Variants in MAML2 observed in about 807,000 individuals in gnomAD.
MAML2 encodes the protein mastermind like transcriptional coactivator 2, also known as mastermind-like protein 2.
Under a neutral mutation model 96.1 loss-of-function variants are expected in MAML2, and 22 were observed. That is an observed-to-expected ratio of 0.23 (90% CI 0.16 to 0.33). MAML2 has a LOEUF of 0.33. Among genes scored for constraint, MAML2 ranks in the 10% least tolerant of loss-of-function variants. MAML2 has a pLI of 1.00. For missense variants in MAML2, 1,367 were observed against 1,392.4 expected (o/e 0.98, Z 0.29); for synonymous variants, 561 against 521.3 (o/e 1.08, Z -1.04).
intron 1 of MAML2, among the ~76,000 whole-genome samples, chr11:96,246,601 A>G (rs766887758): frequency 6.6e-6 from 1 of 152,174 alleles, no homozygotes; most frequent in Non-Finnish European, 1.5e-5. Flanking sequence ...CAATCTCTTT[A>G]GTATAAAACC....
At chr11:96,174,934 C>T (rs1230293605) in intron 1 of MAML2, among the ~76,000 whole-genome samples, 2 of 152,150 alleles carry the variant, frequency 1.3e-5, no homozygotes, top group East Asian at 3.8e-4. Context: ...ATTCTTGGAG[C>T]GCAGAAACCC....
chr11:95,990,066 A>G (rs2135708072), intron 3 of MAML2, among the ~76,000 whole-genome samples: 1 of 152,162 alleles, frequency 6.6e-6, no homozygotes, highest in East Asian at 1.9e-4. Flanking sequence ...ATCAATGTCA[A>G]ATTTTACTTC....
intron 2 of MAML2, among the ~76,000 whole-genome samples, chr11:96,046,710 C>T (rs1858908036): frequency 6.6e-6 from 1 of 152,178 alleles, no homozygotes; most frequent in African/African-American, 2.4e-5. Context: ...TCCACCCTCT[C>T]TCCTTCTCTC....
chr11:96,046,171 C>T (rs1295876784), intron 2 of MAML2, among the ~76,000 whole-genome samples: 3 of 151,958 alleles, frequency 2.0e-5, no homozygotes, highest in Non-Finnish European at 4.4e-5. Context: ...AGGGAGGATT[C>T]TGACCAGCGC....
chr11:96,259,448 G>T (rs1355551722), intron 1 of MAML2, among the ~76,000 whole-genome samples: 2 of 152,176 alleles, frequency 1.3e-5, no homozygotes, highest in African/African-American at 4.8e-5. Flanking sequence ...AAACTGTGGA[G>T]AGTGAAGTGA....
chr11:96,134,378 C>T (rs1257013056), intron 1 of MAML2, among the ~76,000 whole-genome samples: 8 of 152,170 alleles, frequency 5.3e-5, no homozygotes, highest in Non-Finnish European at 7.4e-5. Context: ...GCACATAATA[C>T]ATTTTTGATG....
intron 2 of MAML2, among the ~76,000 whole-genome samples, chr11:96,018,723 A>G (rs779859280): frequency 2.2e-4 from 34 of 152,110 alleles, no homozygotes; most frequent in Admixed American, 8.5e-4. Context: ...CAGCCTCCCA[A>G]GTGGCTGAGA....
chr11:96,215,630 C>A (rs1362957117), intron 1 of MAML2, among the ~76,000 whole-genome samples: 1 of 151,758 alleles, frequency 6.6e-6, no homozygotes, highest in Non-Finnish European at 1.5e-5. Context: ...AGCAGTTCAC[C>A]GGTTAATTAA....
In MAML2 at chr11:96,121,950, C is replaced by CTTTT. The variant is rs71040130; in HGVS notation, c.514-28437_514-28434dup. ...TACAGGCACCCGCCACCACGCCCGGCTTTTTTTTTTTTTTTTTTTTTTTTT... is the reference window on the plus strand; with the variant it reads ...TACAGGCACCCGCCACCACGCCCGGCTTTTTTTTTTTTTTTTTTTTTTTTTTTTT... On this transcript the variant is annotated intron_variant, in intron 1 of 4. Transcript: ENST00000524717. Among the ~76,000 whole-genome samples the CTTTT allele has an allele frequency of 9.1e-4, 52 of 56,848 alleles. 2 individuals are homozygous for CTTTT. Among genetic ancestry groups the CTTTT allele is most frequent in the East Asian group, 1.7e-3 (3 of 1,734 alleles). 37.3% of individuals were successfully genotyped at this position (56,848 alleles called of 152,430 possible). A position where few individuals can be genotyped will look rare whatever the true frequency, so the allele number is the denominator to read the frequency against.
chr11:96,117,395 G>A (rs1455957670), intron 1 of MAML2, among the ~76,000 whole-genome samples: 3 of 151,446 alleles, frequency 2.0e-5, no homozygotes, highest in South Asian at 2.1e-4. Context: ...TCCTGGGTTC[G>A]AAAGATCCTT....
At chr11:96,072,942 C>T (rs1221735602) in intron 2 of MAML2, among the ~76,000 whole-genome samples, 1 of 152,192 alleles carries the variant, frequency 6.6e-6, no homozygotes, top group Non-Finnish European at 1.5e-5. Flanking sequence ...TACTTTTAGA[C>T]CTCAGTCCAA....
intron 1 of MAML2, among the ~76,000 whole-genome samples, chr11:96,143,312 G>A (rs988809551): frequency 3.3e-5 from 5 of 152,146 alleles, no homozygotes; most frequent in African/African-American, 1.2e-4. Context: ...AGTCCTCCAA[G>A]GGCAGTCAAG....
intron 1 of MAML2, among the ~76,000 whole-genome samples, chr11:96,112,947 A>G (rs953445745): frequency 1.3e-5 from 2 of 152,240 alleles, no homozygotes; most frequent in African/African-American, 4.8e-5. Flanking sequence ...GGGCTAAGCA[A>G]AAGTTCGCCC....
chr11:96,104,940 T>C (rs1358653056), intron 1 of MAML2, among the ~76,000 whole-genome samples: 7 of 152,164 alleles, frequency 4.6e-5, no homozygotes. Flanking sequence ...AAACAACCCA[T>C]AACCTTCCAA....
intron 2 of MAML2, among the ~76,000 whole-genome samples, chr11:96,060,435 G>A (rs1859136642): frequency 1.3e-5 from 2 of 151,246 alleles, no homozygotes; most frequent in South Asian, 4.2e-4. Context: ...GGACTTGTTA[G>A]ACCATTTGTT....
intron 1 of MAML2, among the ~76,000 whole-genome samples, chr11:96,162,993 C>T (rs1315315147): frequency 6.6e-6 from 1 of 152,182 alleles, no homozygotes; most frequent in Non-Finnish European, 1.5e-5. Flanking sequence ...AGCATTTCCT[C>T]TGGGGATTTG....
At chr11:96,213,457 C>A (rs1862000410) in intron 1 of MAML2, among the ~76,000 whole-genome samples, 1 of 152,176 alleles carries the variant, frequency 6.6e-6, no homozygotes, top group Admixed American at 6.5e-5. Context: ...AATTTAACAT[C>A]TTGGAAAGAA....
intron 2 of MAML2, among the ~76,000 whole-genome samples, chr11:96,052,164 C>A (rs1319370475): frequency 6.6e-6 from 1 of 152,164 alleles, no homozygotes; most frequent in Non-Finnish European, 1.5e-5. Flanking sequence ...CATATACATT[C>A]TTTGCATGTC....
chr11:96,017,590 A>G (rs1159395572), intron 2 of MAML2, among the ~76,000 whole-genome samples: 9 of 152,202 alleles, frequency 5.9e-5, no homozygotes, highest in African/African-American at 2.2e-4. Flanking sequence ...ATAAAGAAAA[A>G]GAAAACAGGG....
Sources: allele counts gnomAD v4.1 joint callset (sites outside exome capture counted in the v4.1 genomes callset), GRCh38; gene constraint gnomAD v4.1.1; transcripts MANE v1.5; gene names NCBI Gene and HGNC (gene_info 2026-07-23, HGNC 2026-07-21).